Variants in CACNG4 observed in about 807,000 individuals in gnomAD.
CACNG4 encodes calcium voltage-gated channel auxiliary subunit gamma 4.
A neutral mutation model predicts 22.9 loss-of-function variants in CACNG4; 8 were observed. That is an observed-to-expected ratio of 0.35 (90% CI 0.21 to 0.63). CACNG4 has a LOEUF of 0.63. CACNG4 is among the 30% of genes least tolerant of loss of function. The pLI, the probability that CACNG4 is intolerant of heterozygous loss-of-function variation, is 0.72. For missense variants in CACNG4, 357 were observed against 455.4 expected (o/e 0.78, Z 1.97); for synonymous variants, 188 against 191.9 (o/e 0.98, Z 0.17).
chr17:67,009,250 C>A (rs549975060), intron 1 of CACNG4, among the ~76,000 whole-genome samples: 2 of 152,296 alleles, frequency 1.3e-5, no homozygotes, highest in African/African-American at 4.8e-5. Context: ...AACTTTCTGT[C>A]ATGGAACCCC....
intron 1 of CACNG4, among the ~76,000 whole-genome samples, chr17:66,994,919 C>G (rs1306295428): frequency 6.6e-6 from 1 of 152,060 alleles, no homozygotes; most frequent in African/African-American, 2.4e-5. Context: ...GCCATTCGCC[C>G]CCTTGAATAT....
chr17:66,965,811 G>A (rs955848166), intron 1 of CACNG4, among the ~76,000 whole-genome samples: 1 of 152,106 alleles, frequency 6.6e-6, no homozygotes, highest in Non-Finnish European at 1.5e-5. Flanking sequence ...CGCCCGCCTC[G>A]TCTCCCACGG....
At chr17:67,015,381 C>T (rs993040451) in intron 1 of CACNG4, among the ~76,000 whole-genome samples, 2 of 150,010 alleles carry the variant, frequency 1.3e-5, no homozygotes, top group African/African-American at 2.5e-5. Context: ...AGGGGACGGG[C>T]AGGAGGGCTT....
At chr17:66,969,926 C>G (rs886524170) in intron 1 of CACNG4, among the ~76,000 whole-genome samples, 12 of 152,194 alleles carry the variant, frequency 7.9e-5, no homozygotes, top group Non-Finnish European at 1.3e-4. Flanking sequence ...CCAGAGGCAG[C>G]CTGTCCAGTC....
At chr17:66,971,346 C>T (rs1026836661) in intron 1 of CACNG4, among the ~76,000 whole-genome samples, 1 of 151,368 alleles carries the variant, frequency 6.6e-6, no homozygotes, top group African/African-American at 2.5e-5. Flanking sequence ...TGACTTTTGA[C>T]CCTTTTGCTG....
At chr17:66,965,765 T>C (rs1237779945) in intron 1 of CACNG4, among the ~76,000 whole-genome samples, 1 of 151,950 alleles carries the variant, frequency 6.6e-6, no homozygotes, top group Non-Finnish European at 1.5e-5. Context: ...GCTGAGTTCC[T>C]AGCGGATCTA....
rs143898283 is a variant in CACNG4, at chr17:66,983,150, C to T, written c.220+18019C>T. Among the ~76,000 whole-genome samples, 387 of 152,314 alleles carry T rather than the reference C, an allele frequency of 2.5e-3. 1 individual carries two copies. The highest frequency in any genetic ancestry group is 8.8e-3 in the African/African-American group (364 of 41,568). On this transcript the variant is annotated intron_variant, in intron 1 of 3. Transcript: ENST00000262138. ...ACAGTGGTAGCTATGACATGAAAAT[C>T]TCTGCAGGCACTTTGCAGAGTTCAC... is the stretch of plus-strand genomic sequence containing the variant.
At position 66,965,058 on chromosome 17, in the gene CACNG4, C is replaced by T. The variant is rs1229290732; in HGVS notation, c.147C>T (p.Asp49=). Residue 49 remains aspartate, a synonymous_variant, in exon 1 of 4, where the codon GAC becomes GAT. Transcript: ENST00000262138. ...GCAACGGCACCAACCTGACCATGGA[C>T]GACGGGCCCCCGCCCCGCCGCGCCC... The part of the protein sequence containing the change: ...HICNGTNLTM[D]DGPPPRRARG... 6.3e-7 allele frequency: 1 copy of T among 1,589,996 alleles called. No homozygotes were observed. The highest frequency in any genetic ancestry group is 1.1e-5 in the South Asian group (1 of 89,194).
intron 1 of CACNG4, among the ~76,000 whole-genome samples, chr17:67,011,450 A>G (rs111960331): frequency 2.6e-5 from 4 of 152,250 alleles, no homozygotes; most frequent in African/African-American, 9.6e-5. Context: ...GTCTTCACTC[A>G]TGGCGCCACC....
At chr17:66,994,571 C>A (rs1455834671) in intron 1 of CACNG4, among the ~76,000 whole-genome samples, 1 of 152,174 alleles carries the variant, frequency 6.6e-6, no homozygotes, top group African/African-American at 2.4e-5. Flanking sequence ...CTGGTGACCA[C>A]GGAGCCTGGG....
At position 67,031,658 on chromosome 17, in the gene CACNG4, C is replaced by A; in HGVS notation, c.*654C>A. On this transcript the variant is annotated 3_prime_UTR_variant, in exon 4 of 4. Transcript: ENST00000262138. This position sits in a 1 kb window ranked among gnomAD's most constrained non-coding sequence, Gnocchi z 4.0. Reference sequence around the variant, plus strand: ...TCCCTCGACCTGGGGAGGCCGTGGCCTGTGGAGGAGGCCCAGGTAAAGGCT... The same window carrying A: ...TCCCTCGACCTGGGGAGGCCGTGGCATGTGGAGGAGGCCCAGGTAAAGGCT... 2.2e-6 allele frequency: 1 copy of A among 456,800 alleles called. No homozygotes were observed. The highest frequency in any genetic ancestry group is 4.4e-6 in the Non-Finnish European group (1 of 226,986). 28.3% of individuals were successfully genotyped at this position (456,800 alleles called of 1,614,324 possible). A position where few individuals can be genotyped will look rare whatever the true frequency, so the allele number is the denominator to read the frequency against.
chr17:67,030,724 G>A lies in CACNG4; in HGVS notation c.704G>A (p.Ser235Asn). ...SSSSPYARMP[S>N]YRYRRRRSRS... ...TCTTCTCCTTATGCCAGGATGCCGA[G>A]CTACAGGTACCGGCGACGGCGCTCG... The change falls in exon 4 of 4, where the codon AGC becomes AAC. Residue 235 changes from serine (S) to asparagine (N), a missense_variant. By Grantham distance (46) the Ser-to-Asn change is conservative. Around this residue, in one of 3 missense-constraint regions of CACNG4, gnomAD observed 240 missense variants for 277.6 expected, o/e 0.86. Transcript: ENST00000262138. This position sits in a 1 kb window ranked among gnomAD's most constrained non-coding sequence, Gnocchi z 6.4. 6.2e-7 allele frequency: 1 copy of A among 1,614,234 alleles called. No homozygotes were observed. The highest frequency in any genetic ancestry group is 8.5e-7 in the Non-Finnish European group (1 of 1,180,044).
At chr17:66,971,959 G>A (rs1205039763) in intron 1 of CACNG4, among the ~76,000 whole-genome samples, 3 of 152,182 alleles carry the variant, frequency 2.0e-5, no homozygotes, top group African/African-American at 7.2e-5. Context: ...CAGGAGGCAG[G>A]GGAGGCTACC....
chr17:67,018,265 C>T lies in CACNG4; in HGVS notation c.297C>T (p.Tyr99=), dbSNP rs1031545966. ...ACTACGACCACGACAGCTCGGAGTA[C>T]CTCCTCCGTGAGTGTCAGGAGGCCT... ...DNDYDHDSSE[Y]LLRIVRASSV... The change falls in exon 2 of 4, where the codon TAC becomes TAT. Residue 99 remains tyrosine (Y), a synonymous_variant. Coordinates refer to ENST00000262138, the MANE Select transcript of CACNG4 (RefSeq NM_014405.4). 1.2e-6 allele frequency: 2 copies of T among 1,613,220 alleles called. No individual in the cohort carries two copies. Among genetic ancestry groups the T allele is most frequent in the African/African-American group, 2.7e-5 (2 of 74,900 alleles).
intron 1 of CACNG4, among the ~76,000 whole-genome samples, chr17:66,971,865 A>G (rs768465584): frequency 1.3e-5 from 2 of 152,138 alleles, no homozygotes; most frequent in Non-Finnish European, 1.5e-5. Context: ...GATCGGTGCT[A>G]TTGCAGAACT....
At chr17:67,005,788 AGACACAGGTGGGGTCTTGGG>A (rs2035434061) in intron 1 of CACNG4, among the ~76,000 whole-genome samples, 7 of 152,206 alleles carry the variant, frequency 4.6e-5, no homozygotes. Flanking sequence ...CTGGACTGCT[AGACACAGGTGGGGTCTTGGG>A]GACAGGGCTC....
At chr17:66,972,446 C>T (rs2035210372) in intron 1 of CACNG4, among the ~76,000 whole-genome samples, 1 of 152,208 alleles carries the variant, frequency 6.6e-6, no homozygotes, top group Admixed American at 6.5e-5. Context: ...TAGCGCTCCT[C>T]CTTCTCCAGC....
chr17:66,980,240 C>T (rs1294380393), intron 1 of CACNG4, among the ~76,000 whole-genome samples: 1 of 152,180 alleles, frequency 6.6e-6, no homozygotes. Context: ...CATTGGGCTT[C>T]CATCCCTAGA....
Position 67,018,214 on chromosome 17 carries a change from G to A in CACNG4, c.246G>A (p.Arg82=), listed in dbSNP as rs112211002. ...GGATCTATAAAGGGCACTGCTTCCG[G>A]ATCAATCACTTCCCAGAGGACAATG... ...IEGIYKGHCF[R]INHFPEDNDY... is the part of the protein sequence containing the mutation. Residue 82 remains arginine, a synonymous_variant, in exon 2 of 4, where the codon CGG becomes CGA. Coordinates refer to ENST00000262138, the MANE Select transcript of CACNG4 (RefSeq NM_014405.4). 3.5e-5 allele frequency: 56 copies of A among 1,614,086 alleles called. No homozygotes were observed. The African/African-American group carries it at 4.7e-4, about 13-fold the overall frequency.
Sources: allele counts gnomAD v4.1 joint callset (sites outside exome capture counted in the v4.1 genomes callset), GRCh38; gene constraint gnomAD v4.1.1; regional missense constraint gnomAD v4.1.1; non-coding constraint Gnocchi (gnomAD v3.1); transcripts MANE v1.5; gene names NCBI Gene and HGNC (gene_info 2026-07-23, HGNC 2026-07-21).